ORC5: variants seen among roughly 807,000 people sequenced by gnomAD.
The protein encoded by ORC5 is protein phosphatase 1, regulatory subunit 117.
A neutral mutation model predicts 58.8 loss-of-function variants in ORC5; 39 were observed. The ratio of observed to expected loss-of-function variants is 0.66; its 90% CI spans 0.51 to 0.87. The LOEUF is 0.87. Ranked by LOEUF, ORC5 falls within the 40% of genes least tolerant of loss-of-function variation. The pLI is 0.00. For missense variants in ORC5, 493 were observed against 506.3 expected (o/e 0.97, Z 0.25); for synonymous variants, 218 against 177.6 (o/e 1.23, Z -1.81).
intron 8 of ORC5, among the ~76,000 whole-genome samples, chr7:104,181,131 T>A (rs949537253): frequency 6.6e-6 from 1 of 152,042 alleles, no homozygotes; most frequent in African/African-American, 2.4e-5. Flanking sequence ...ATTAATTACA[T>A]GAGATTGAAT....
intron 11 of ORC5, 137 bp downstream of exon 11, chr7:104,165,098 C>A: frequency 3.8e-6 from 2 of 531,952 alleles, no homozygotes; most frequent in East Asian, 3.3e-5. Context: ...TAACAAAATT[C>A]TATTACAGTA....
intron 12 of ORC5, among the ~76,000 whole-genome samples, chr7:104,148,593 G>C (rs896776209): frequency 3.3e-5 from 5 of 152,150 alleles, no homozygotes; most frequent in African/African-American, 9.7e-5. Context: ...ACAATACTGT[G>C]AACAGAATTG....
At position 104,200,862 on chromosome 7, in the gene ORC5, C is replaced by A. The variant is rs779272644; in HGVS notation, c.262G>T (p.Asp88Tyr). The change falls in exon 3 of 14, where the codon GAT becomes TAT. Residue 88 changes from aspartate (D) to tyrosine (Y), a missense_variant. Transcript: ENST00000297431. ...CAGGTTATTTCAGTAGAACATCCATCCTCTGAAGAACTAAGATGATTCAAT... is the reference window on the plus strand; with the variant it reads ...CAGGTTATTTCAGTAGAACATCCATACTCTGAAGAACTAAGATGATTCAAT... ...NKLNHLSSSE[D>Y]GCSTEITCET... The A allele has an allele frequency of 4.3e-6, 7 of 1,613,014 alleles. No homozygotes were observed. Among genetic ancestry groups the A allele is most frequent in the Non-Finnish European group, 5.9e-6 (7 of 1,179,080 alleles).
intron 12 of ORC5, among the ~76,000 whole-genome samples, chr7:104,157,543 C>G (rs189769300): frequency 2.8e-4 from 43 of 152,052 alleles, no homozygotes; most frequent in Admixed American, 8.5e-4. Context: ...ACATTTTGGG[C>G]CAAGTTGTTT....
intron 12 of ORC5, among the ~76,000 whole-genome samples, chr7:104,156,320 C>T (rs918951179): frequency 5.9e-5 from 9 of 151,672 alleles, no homozygotes; most frequent in Non-Finnish European, 1.2e-4. Flanking sequence ...GTTAAATGTG[C>T]TACTATTCTC....
chr7:104,182,470 C>T (rs771475570), intron 8 of ORC5, among the ~76,000 whole-genome samples: 3 of 152,002 alleles, frequency 2.0e-5, no homozygotes, highest in Non-Finnish European at 2.9e-5. Context: ...ATTCTTTAGT[C>T]CATCTAGTGG....
chr7:104,161,022 T>C, intron 12 of ORC5, 50 bp downstream of exon 12: 1 of 1,002,312 alleles, frequency 1.0e-6, no homozygotes, highest in Non-Finnish European at 1.6e-6. Context: ...GACTCTACTA[T>C]CTGAAGAATC....
intron 5 of ORC5, among the ~76,000 whole-genome samples, chr7:104,192,532 TA>T (rs1799698911): frequency 6.6e-6 from 1 of 151,930 alleles, no homozygotes; most frequent in African/African-American, 2.4e-5. Flanking sequence ...AAAAAAAGCT[TA>T]AAAATAGCCT....
chr7:104,206,233 T>C (rs1800079834), intron 1 of ORC5, among the ~76,000 whole-genome samples: 1 of 152,222 alleles, frequency 6.6e-6, no homozygotes, highest in South Asian at 2.1e-4. Flanking sequence ...GCTCGGTAAA[T>C]ATTTATTTAT....
At chr7:104,200,667 T>C in intron 3 of ORC5, 91 bp downstream of exon 3, 2 of 798,040 alleles carry the variant, frequency 2.5e-6, no homozygotes, top group African/African-American at 1.7e-5. Context: ...GCACTGTACA[T>C]AATGAGACTC....
At chr7:104,130,477 T>C (rs1464766986) in intron 13 of ORC5, among the ~76,000 whole-genome samples, 2 of 152,148 alleles carry the variant, frequency 1.3e-5, no homozygotes, top group Non-Finnish European at 2.9e-5. Context: ...TTCTGTCAGG[T>C]GGGGCTGGTG....
intron 5 of ORC5, 57 bp from the exon 6 acceptor site, chr7:104,188,438 T>G: frequency 7.4e-7 from 1 of 1,349,536 alleles, no homozygotes; most frequent in South Asian, 1.7e-5. Context: ...TAATCATATC[T>G]TCAAGCATTT....
intron 11 of ORC5, among the ~76,000 whole-genome samples, chr7:104,161,757 G>T (rs1273431500): frequency 6.6e-6 from 1 of 152,122 alleles, no homozygotes; most frequent in Non-Finnish European, 1.5e-5. Flanking sequence ...ATTAATTAAA[G>T]AACTCACAGT....
At chr7:104,146,595 C>A (rs1186614529) in intron 12 of ORC5, among the ~76,000 whole-genome samples, 3 of 152,092 alleles carry the variant, frequency 2.0e-5, no homozygotes, top group East Asian at 1.9e-4. Flanking sequence ...TAAACAAATT[C>A]TTGAAATGAC....
chr7:104,173,973 T>C (rs1161817819), intron 8 of ORC5, among the ~76,000 whole-genome samples: 1 of 149,620 alleles, frequency 6.7e-6, no homozygotes, highest in Non-Finnish European at 1.5e-5. Flanking sequence ...GCCTCCCAAG[T>C]AGCTGGGACT....
At chr7:104,179,719 C>G (rs1799396680) in intron 8 of ORC5, among the ~76,000 whole-genome samples, 1 of 151,684 alleles carries the variant, frequency 6.6e-6, no homozygotes, top group Non-Finnish European at 1.5e-5. Flanking sequence ...CTGTCTTCTT[C>G]ACTTAGGATG....
intron 1 of ORC5, among the ~76,000 whole-genome samples, chr7:104,204,633 T>C (rs1800030396): frequency 6.6e-6 from 1 of 152,164 alleles, no homozygotes; most frequent in Non-Finnish European, 1.5e-5. Context: ...AACTTCACTA[T>C]ACATTTTAAT....
intron 12 of ORC5, among the ~76,000 whole-genome samples, chr7:104,154,559 C>T (rs2115824493): frequency 6.6e-6 from 1 of 151,978 alleles, no homozygotes; most frequent in Non-Finnish European, 1.5e-5. Flanking sequence ...AAATGAAGGG[C>T]TGTGGAATCC....
At chr7:104,158,821 G>A (rs1200524236) in intron 12 of ORC5, among the ~76,000 whole-genome samples, 1 of 151,650 alleles carries the variant, frequency 6.6e-6, no homozygotes. Context: ...TAAAAAGTCA[G>A]GAAACAACAG....
Sources: allele counts gnomAD v4.1 joint callset (sites outside exome capture counted in the v4.1 genomes callset), GRCh38; gene constraint gnomAD v4.1.1; transcripts MANE v1.5; gene names NCBI Gene and HGNC (gene_info 2026-07-23, HGNC 2026-07-21).